The following GREM2 variants were observed in gnomAD, a reference collection of about 807,000 sequenced individuals.
GREM2 encodes the protein gremlin 2, DAN family BMP antagonist.
Under a neutral mutation model 14.2 loss-of-function variants are expected in GREM2, and 11 were observed. That is an observed-to-expected ratio of 0.78 (90% CI 0.49 to 1.28). The LOEUF (loss-of-function observed/expected upper bound fraction) is 1.28, where lower values mean the gene tolerates loss of function less well. Among genes scored for constraint, GREM2 ranks in the 50% most tolerant of loss-of-function variants. The pLI is 0.00. For synonymous variants in GREM2, 98 were observed against 97.6 expected, an observed-to-expected ratio of 1.00 and a Z score of -0.02; for missense variants, 210 against 218.5, an observed-to-expected ratio of 0.96 and a Z score of 0.24.
chr1:240,554,062 C>T (rs1323727262), intron 1 of GREM2, among the ~76,000 whole-genome samples: 1 of 152,032 alleles, frequency 6.6e-6, no homozygotes, highest in Non-Finnish European at 1.5e-5. Context: ...TAGGGTATTG[C>T]CTTCCACTCT....
intron 1 of GREM2, among the ~76,000 whole-genome samples, chr1:240,497,113 G>A (rs189620450): frequency 3.9e-5 from 6 of 152,272 alleles, no homozygotes; most frequent in Non-Finnish European, 7.3e-5. Flanking sequence ...AGGCATGCAC[G>A]TGACTGCGTG....
intron 1 of GREM2, among the ~76,000 whole-genome samples, chr1:240,497,629 A>G (rs1208286790): frequency 5.9e-5 from 9 of 151,484 alleles, no homozygotes. Context: ...AAAAAATTGA[A>G]AGCAGAAAGG....
chr1:240,566,346 A>G (rs760926222), intron 1 of GREM2, among the ~76,000 whole-genome samples: 1 of 152,180 alleles, frequency 6.6e-6, no homozygotes, highest in Non-Finnish European at 1.5e-5. Context: ...GCAAGACACC[A>G]AACACCAAGC....
chr1:240,521,532 C>T (rs1469982219), intron 1 of GREM2, among the ~76,000 whole-genome samples: 1 of 152,018 alleles, frequency 6.6e-6, no homozygotes, highest in Non-Finnish European at 1.5e-5. Flanking sequence ...GATGGCACCA[C>T]TGCACTCCAG....
intron 1 of GREM2, among the ~76,000 whole-genome samples, chr1:240,592,421 T>TA (rs930460601): frequency 4.6e-5 from 7 of 152,096 alleles, no homozygotes; most frequent in South Asian, 2.1e-4. Context: ...ATTTAAGTGT[T>TA]AAAAAAAAGC....
In GREM2 at chr1:240,490,088, A is replaced by T. The variant is rs1243315804; in HGVS notation, c.*2881T>A. Reference sequence around the variant, plus strand: ...TTAAGAAATGTTGGAACTCATGAGGAGTAAATGTGAAAATGAACAAAACTC... The same window carrying T: ...TTAAGAAATGTTGGAACTCATGAGGTGTAAATGTGAAAATGAACAAAACTC... On this transcript the variant is annotated 3_prime_UTR_variant, in exon 2 of 2. Transcript: ENST00000318160. The T allele has an allele frequency of 6.6e-6, 1 of 152,254 alleles. No individual in the cohort carries two copies. Among genetic ancestry groups the T allele is most frequent in the Admixed American group, 6.5e-5 (1 of 15,290 alleles). 9.4% of individuals were successfully genotyped at this position (152,254 alleles called of 1,614,324 possible).
intron 1 of GREM2, among the ~76,000 whole-genome samples, chr1:240,511,958 C>A (rs2103291702): frequency 6.6e-6 from 1 of 152,306 alleles, no homozygotes; most frequent in South Asian, 2.1e-4. Context: ...CACTTCAAAA[C>A]TCCAGACCAG....
Position 240,561,202 on chromosome 1 carries a change from C to G in GREM2, c.-2+50682G>C, listed in dbSNP as rs557869435. Among the ~76,000 whole-genome samples the G allele has an allele frequency of 1.7e-4, 26 of 152,090 alleles. No homozygotes were observed. The South Asian group carries it at 5.0e-3, about 29-fold the overall frequency. On this transcript the variant is annotated intron_variant, in intron 1 of 1. Coordinates refer to ENST00000318160, the MANE Select transcript of GREM2 (RefSeq NM_022469.4). ...TGTGAACCACTAAGTACTATATAAT[C>G]TGTCATCATTTATTTTTCTTGCATA...
intron 1 of GREM2, among the ~76,000 whole-genome samples, chr1:240,497,153 T>G (rs765301894): frequency 5.9e-5 from 9 of 152,170 alleles, no homozygotes; most frequent in Non-Finnish European, 1.0e-4. Flanking sequence ...ATGGCCTGGG[T>G]CCTTGTGGTA....
intron 1 of GREM2, among the ~76,000 whole-genome samples, chr1:240,497,518 G>A (rs12137158): frequency 0.4 from 61,420 of 151,730 alleles, 12,819 homozygotes; most frequent in East Asian, 0.46. Flanking sequence ...TCACAAGTAA[G>A]TGGGTCCCTT....
chr1:240,579,619 C>T (rs1343786889), intron 1 of GREM2, among the ~76,000 whole-genome samples: 3 of 152,160 alleles, frequency 2.0e-5, no homozygotes, highest in African/African-American at 7.2e-5. Flanking sequence ...TTTGCAGTCT[C>T]ATAAGGGTGT....
intron 1 of GREM2, among the ~76,000 whole-genome samples, chr1:240,503,318 T>C (rs1677610255): frequency 6.6e-6 from 1 of 152,228 alleles, no homozygotes; most frequent in African/African-American, 2.4e-5. Flanking sequence ...TCCTCACTTC[T>C]TAATCCCACT....
In GREM2 at chr1:240,543,649, T is replaced by G. The variant is rs1222451656; in HGVS notation, c.-1-50173A>C. On this transcript the variant is annotated intron_variant, in intron 1 of 1. Transcript: ENST00000318160. The surrounding 1 kb of genome is among the most constrained non-coding windows in gnomAD (Gnocchi z 6.4). ...ATTCCCACAAAAAATTCTATTTAGTTTTAGGAACAAAGCATACCTTTTAAA... is the reference window on the plus strand; with the variant it reads ...ATTCCCACAAAAAATTCTATTTAGTGTTAGGAACAAAGCATACCTTTTAAA... Among the ~76,000 whole-genome samples the G allele has an allele frequency of 6.6e-6, 1 of 152,178 alleles. No homozygotes were observed. Among genetic ancestry groups the G allele is most frequent in the Non-Finnish European group, 1.5e-5 (1 of 68,044 alleles).
intron 1 of GREM2, among the ~76,000 whole-genome samples, chr1:240,562,305 A>G (rs569718844): frequency 1.6e-3 from 245 of 152,294 alleles, no homozygotes; most frequent in African/African-American, 5.6e-3. Context: ...TGATTCAACA[A>G]ATCTACAGTC....
chr1:240,552,067 G>A (rs1678864050), intron 1 of GREM2, among the ~76,000 whole-genome samples: 1 of 152,096 alleles, frequency 6.6e-6, no homozygotes, highest in Non-Finnish European at 1.5e-5. Context: ...TTCATATACT[G>A]GATGACCTTC....
At chr1:240,497,447 T>C (rs1207843025) in intron 1 of GREM2, among the ~76,000 whole-genome samples, 1 of 151,772 alleles carries the variant, frequency 6.6e-6, no homozygotes, top group African/African-American at 2.4e-5. Context: ...CAAAGTATAG[T>C]GAGGGCGAAA....
chr1:240,492,126 T>G lies in GREM2; in HGVS notation c.*843A>C. On this transcript the variant is annotated 3_prime_UTR_variant, in exon 2 of 2. Transcript: ENST00000318160. ...ATACATGAATAGGTCTATAATACTT[T>G]TTAACAGCTCTTTACAATATACGGT... 2.8e-6 allele frequency: 1 copy of G among 356,690 alleles called. No individual in the cohort carries two copies. The highest frequency in any genetic ancestry group is 5.9e-6 in the Non-Finnish European group (1 of 168,576). The allele number at this position is 356,690 out of a possible 1,614,324, so 22.1% of individuals were successfully genotyped here. A position where few individuals can be genotyped will look rare whatever the true frequency, so the allele number is the denominator to read the frequency against.
At chr1:240,538,437 C>T (rs1558154233) in intron 1 of GREM2, among the ~76,000 whole-genome samples, 1 of 152,052 alleles carries the variant, frequency 6.6e-6, no homozygotes, top group Admixed American at 6.6e-5. Context: ...TGCGATGGCT[C>T]ACGCCTGTAA....
chr1:240,527,081 A>T (rs1678241391), intron 1 of GREM2, among the ~76,000 whole-genome samples: 1 of 152,226 alleles, frequency 6.6e-6, no homozygotes, highest in Non-Finnish European at 1.5e-5. Context: ...AAAAAGAATT[A>T]AGTCCATTTC....
Sources: allele counts gnomAD v4.1 joint callset (sites outside exome capture counted in the v4.1 genomes callset), GRCh38; gene constraint gnomAD v4.1.1; non-coding constraint Gnocchi (gnomAD v3.1); transcripts MANE v1.5; gene names NCBI Gene and HGNC (gene_info 2026-07-23, HGNC 2026-07-21).